Variants in CASP6 observed in about 807,000 individuals in gnomAD.
CASP6 encodes caspase 6, also known as caspase-6.
Under a neutral mutation model 31.8 loss-of-function variants are expected in CASP6, and 20 were observed. That is an observed-to-expected ratio of 0.63 (90% CI 0.44 to 0.91). CASP6 has a LOEUF of 0.91. CASP6 is among the 40% of genes least tolerant of loss of function. The probability of loss-of-function intolerance (pLI) is 0.00; values close to 1 mark genes in which losing one functional copy is unlikely to be tolerated. For missense variants in CASP6, 328 were observed against 361.1 expected (o/e 0.91, Z 0.74); for synonymous variants, 130 against 127.8 (o/e 1.02, Z -0.12).
At chr4:109,682,949 GA>G in the CASP6 span, 2 of 470,398 alleles carry the variant, frequency 4.3e-6, no homozygotes, top group Non-Finnish European at 7.6e-6. Flanking sequence ...ATACATGGTA[GA>G]GCCTGGACTT....
chr4:109,684,677 AG>A, downstream of CASP6: 1 of 1,041,188 alleles, frequency 9.6e-7, no homozygotes, highest in Non-Finnish European at 1.5e-6. Context: ...ATGGTAAGTT[AG>A]AACATCTTTG....
rs1316621126 is a variant in CASP6 at position 109,694,662 on chromosome 4, A to G, written c.346T>C (p.Cys116Arg). The G allele has an allele frequency of 1.9e-6, 3 of 1,607,024 alleles. No homozygotes were observed. In the Admixed American group the frequency reaches 5.1e-5, roughly 27 times the overall value. Residue 116 changes from cysteine to arginine, a missense_variant, in exon 5 of 7, where the codon TGT becomes CGT. Transcript: ENST00000265164. ...CCTTCGCCATGGCTCAGGAAGACAC[A>G]CACAAAGCAATCGGCATCTGCGTGG... ...VSHADADCFVCVFLSHGEGNH... is the reference protein window; with the variant it reads ...VSHADADCFVRVFLSHGEGNH...
rs1296841939 is a variant in CASP6, at chr4:109,697,679, T to G, written c.173A>C (p.His58Pro). Reference sequence around the variant, plus strand: ...GCCCCGCCTTTCTGGCAGTGTTAAGTGCCAAAAGAACCTCTCATGATTGAA... The same window carrying G: ...GCCCCGCCTTTCTGGCAGTGTTAAGGGCCAAAAGAACCTCTCATGATTGAA... ...LIFNHERFFW[H>P]LTLPERRGTC... The change falls in exon 3 of 7, where the codon CAC (histidine) becomes CCC (proline). Residue 58 changes from histidine to proline, a missense_variant. By Grantham distance (77) the His-to-Pro change is moderately conservative (BLOSUM62 -2). Coordinates refer to ENST00000265164, the MANE Select transcript of CASP6 (RefSeq NM_001226.4). 1 of 1,614,066 alleles carries G rather than the reference T, an allele frequency of 6.2e-7. No individual in the cohort carries two copies. The highest frequency in any genetic ancestry group is 1.7e-5 in the Admixed American group (1 of 59,996).
At chr4:109,679,324 C>T in the CASP6 span, among the ~76,000 whole-genome samples, 9 of 152,308 alleles carry the variant, frequency 5.9e-5, no homozygotes, top group East Asian at 1.9e-4. Context: ...TGTAGTGAGC[C>T]GAGATCACGC....
At chr4:109,690,544 T>G (rs558722575) in intron 6 of CASP6, among the ~76,000 whole-genome samples, 15 of 151,962 alleles carry the variant, frequency 9.9e-5, no homozygotes, top group Admixed American at 4.6e-4. Flanking sequence ...AAATTAAAGC[T>G]TTCCATGACA....
downstream of CASP6, chr4:109,685,265 A>C: frequency 2.1e-6 from 3 of 1,421,994 alleles, no homozygotes; most frequent in Non-Finnish European, 2.0e-6. Flanking sequence ...ATACTTACTC[A>C]GCTGTTAAGA....
the CASP6 span, among the ~76,000 whole-genome samples, chr4:109,676,558 T>C: frequency 6.6e-6 from 1 of 152,192 alleles, no homozygotes; most frequent in Non-Finnish European, 1.5e-5. Context: ...TCTAGTCTGC[T>C]CTTCCAAACT....
chr4:109,665,981 A>G, the CASP6 span, among the ~76,000 whole-genome samples: 1 of 151,888 alleles, frequency 6.6e-6, no homozygotes, highest in African/African-American at 2.4e-5. Flanking sequence ...GAGGGGAAAG[A>G]AGAAGGGGGA....
chr4:109,683,637 T>C (rs1474074509), downstream of CASP6, among the ~76,000 whole-genome samples: 1 of 152,236 alleles, frequency 6.6e-6, no homozygotes, highest in Non-Finnish European at 1.5e-5. Flanking sequence ...TATTATGCAC[T>C]ATTCTCATCT....
At chr4:109,694,943 C>T (rs1388827814) in intron 4 of CASP6, among the ~76,000 whole-genome samples, 2 of 152,156 alleles carry the variant, frequency 1.3e-5, no homozygotes, top group African/African-American at 2.4e-5. Context: ...AGCGATTCTC[C>T]TGCCTCAGCC....
chr4:109,689,720 C>G, intron 6 of CASP6, 152 bp from the exon 7 acceptor site: 2 of 647,336 alleles, frequency 3.1e-6, no homozygotes, highest in Non-Finnish European at 2.6e-6. Flanking sequence ...ATTTTTTTGA[C>G]TCTTTTCAAA....
At chr4:109,698,239 C>T in intron 2 of CASP6, 61 bp downstream of exon 2, 4 of 1,541,378 alleles carry the variant, frequency 2.6e-6, no homozygotes, top group Admixed American at 4.1e-5. Context: ...GCTTTGATTT[C>T]TGTAGGCTGA....
chr4:109,690,794 C>CT (rs1337833723), intron 6 of CASP6, 56 bp downstream of exon 6: 6 of 1,521,764 alleles, frequency 3.9e-6, no homozygotes, highest in Non-Finnish European at 5.3e-6. Flanking sequence ...AAAGGTGAAA[C>CT]TTACAGGACC....
the CASP6 span, among the ~76,000 whole-genome samples, chr4:109,675,368 T>C: frequency 1.3e-5 from 2 of 152,234 alleles, no homozygotes; most frequent in African/African-American, 4.8e-5. Flanking sequence ...CTATAAAAAC[T>C]GTAAACTCTC....
At chr4:109,677,653 C>T in the CASP6 span, among the ~76,000 whole-genome samples, 1,248 of 152,178 alleles carry the variant, frequency 8.2e-3, 21 homozygotes, top group African/African-American at 0.028. Context: ...TAATAAAGGA[C>T]AAGTTCAGCC....
the CASP6 span, among the ~76,000 whole-genome samples, chr4:109,671,725 T>G: frequency 6.6e-6 from 1 of 152,232 alleles, no homozygotes. Flanking sequence ...CTGGTTCTGA[T>G]GCTTGTTTTG....
chr4:109,689,440 G>C lies in CASP6; in HGVS notation c.772C>G (p.Gln258Glu), dbSNP rs368907533. The C allele has an allele frequency of 2.5e-6, 4 of 1,614,096 alleles. No homozygotes were observed. In the African/African-American group the frequency reaches 4.0e-5, roughly 16 times the overall value. ...TCTTTGCAAAAGTCCACTCGGCGCTGAGAAACTTTCCTGTTCACCAGTGTG... is the reference window on the plus strand; with the variant it reads ...TCTTTGCAAAAGTCCACTCGGCGCTCAGAAACTTTCCTGTTCACCAGTGTG... Reference protein sequence around the residue: ...LLTLVNRKVSQRRVDFCKDPS... With the variant: ...LLTLVNRKVSERRVDFCKDPS... The change falls in exon 7 of 7, where the codon CAG (glutamine) becomes GAG (glutamate). Residue 258 changes from glutamine to glutamate, a missense_variant. Coordinates refer to ENST00000265164, the MANE Select transcript of CASP6 (RefSeq NM_001226.4).
intron 5 of CASP6, among the ~76,000 whole-genome samples, chr4:109,694,306 T>A (rs915989183): frequency 2.6e-5 from 4 of 152,292 alleles, no homozygotes; most frequent in Non-Finnish European, 5.9e-5. Flanking sequence ...TGTGAGTCAC[T>A]TCAAATCTCA....
At chr4:109,685,574 A>G (rs1554021384), downstream of CASP6, among the ~76,000 whole-genome samples, 1 of 152,222 alleles carries the variant, frequency 6.6e-6, no homozygotes, top group Non-Finnish European at 1.5e-5. Flanking sequence ...AGCTTTAAAT[A>G]TGTGTGTTAA....
Sources: gnomAD v4.1 joint callset for allele counts (sites outside exome capture counted in the v4.1 genomes callset) on GRCh38, gnomAD v4.1.1 for gene constraint, MANE v1.5 for transcripts, NCBI Gene and HGNC (gene_info 2026-07-23, HGNC 2026-07-21) for gene names.